Variants in CRIPT observed in about 807,000 individuals in gnomAD.
CRIPT encodes the protein CXXC repeat containing interactor of PDZ3 domain.
A neutral mutation model predicts 16.6 loss-of-function variants in CRIPT; 20 were observed. That is an observed-to-expected ratio of 1.20 (90% CI 0.85 to 1.75). The LOEUF (loss-of-function observed/expected upper bound fraction) is 1.75, where lower values mean the gene tolerates loss of function less well. CRIPT is among the 40% of genes most tolerant of loss of function. The pLI, the probability that CRIPT is intolerant of heterozygous loss-of-function variation, is 0.00. For synonymous variants in CRIPT, 42 were observed against 37.0 expected (o/e 1.14, Z -0.49); for missense variants, 133 against 115.3 (o/e 1.15, Z -0.70).
At chr2:46,623,952 C>A in intron 4 of CRIPT, 85 bp downstream of exon 4, 1 of 952,214 alleles carries the variant, frequency 1.1e-6, no homozygotes, top group Non-Finnish European at 1.6e-6. Flanking sequence ...TGTAGCCTGT[C>A]ATAAATTCTG....
At chr2:46,623,234 T>C (rs1246866776) in intron 3 of CRIPT, among the ~76,000 whole-genome samples, 1 of 152,298 alleles carries the variant, frequency 6.6e-6, no homozygotes, top group African/African-American at 2.4e-5. Flanking sequence ...GATAAGTGCT[T>C]TACATGATTG....
At chr2:46,619,211 A>G (rs1461762950) in intron 2 of CRIPT, among the ~76,000 whole-genome samples, 1 of 152,068 alleles carries the variant, frequency 6.6e-6, no homozygotes, top group Non-Finnish European at 1.5e-5. Context: ...GCTTTAACCC[A>G]TTTTACCTTC....
rs1670936128 is a variant in CRIPT at position 46,626,209 on chromosome 2, T to G, written c.*1982T>G. Among the ~76,000 whole-genome samples, 1 of 152,200 alleles carries G rather than the reference T, an allele frequency of 6.6e-6. No homozygotes were observed. Among genetic ancestry groups the G allele is most frequent in the Admixed American group, 6.5e-5 (1 of 15,280 alleles). Reference sequence around the variant, plus strand: ...TGCGGTCTTTGGTTTTCTGTTCCTGTGTATATTCACTATAATGACCTCCAG... The same window carrying G: ...TGCGGTCTTTGGTTTTCTGTTCCTGGGTATATTCACTATAATGACCTCCAG... On this transcript the variant is annotated 3_prime_UTR_variant, in exon 5 of 5. Transcript: ENST00000238892.
rs1018075808 is a variant in CRIPT at position 46,626,386 on chromosome 2, G to A, written c.*2159G>A. ...TGTCTTTGCTGTTGTGAATAGTGCT[G>A]TGATGAATATGTGAGTGTATGTGTC... is the stretch of plus-strand genomic sequence containing the variant. On this transcript the variant is annotated 3_prime_UTR_variant, in exon 5 of 5. Coordinates refer to ENST00000238892, the MANE Select transcript of CRIPT (RefSeq NM_014171.6). Among the ~76,000 whole-genome samples, 2 of 152,178 alleles carry A rather than the reference G, an allele frequency of 1.3e-5. No individual in the cohort carries two copies. Among genetic ancestry groups the A allele is most frequent in the African/African-American group, 4.8e-5 (2 of 41,430 alleles).
Position 46,624,218 on chromosome 2 carries a change from A to T in CRIPT, c.297A>T (p.Thr99=), listed in dbSNP as rs1282414361. 36 of 1,577,878 alleles carry T rather than the reference A, an allele frequency of 2.3e-5. No individual in the cohort carries two copies. The highest frequency in any genetic ancestry group is 1.7e-4 in the Middle Eastern group (1 of 5,914). ...KVLDTKNYKQ[T]SV is the part of the protein sequence containing the mutation. Reference sequence around the variant, plus strand: ...TGGATACCAAAAACTACAAGCAAACATCTGTCTAGATGTATTGATGGAATT... The same window carrying T: ...TGGATACCAAAAACTACAAGCAAACTTCTGTCTAGATGTATTGATGGAATT... Residue 99 remains threonine (T), a synonymous_variant, in exon 5 of 5, where the codon ACA becomes ACT. Coordinates refer to ENST00000238892, the MANE Select transcript of CRIPT (RefSeq NM_014171.6).
intron 3 of CRIPT, among the ~76,000 whole-genome samples, chr2:46,620,714 TTA>T (rs1260889094): frequency 6.8e-6 from 1 of 147,612 alleles, no homozygotes; most frequent in Non-Finnish European, 1.5e-5. Context: ...AATAATATTA[TTA>T]TATATATATT....
Position 46,624,222 on chromosome 2 carries a change from G to C in CRIPT, c.301G>C (p.Val101Leu). 6.4e-7 allele frequency: 1 copy of C among 1,560,802 alleles called. No individual in the cohort carries two copies. The highest frequency in any genetic ancestry group is 8.7e-7 in the Non-Finnish European group (1 of 1,147,480). ...LDTKNYKQTS[V>L] The stretch of plus-strand genomic sequence containing the variant: ...TACCAAAAACTACAAGCAAACATCT[G>C]TCTAGATGTATTGATGGAATTTCTG... The change falls in exon 5 of 5, where the codon GTC becomes CTC. Residue 101 changes from valine to leucine, a missense_variant. Physicochemically the swap from Val to Leu is conservative, Grantham distance 32. Coordinates refer to ENST00000238892, the MANE Select transcript of CRIPT (RefSeq NM_014171.6).
In CRIPT at chr2:46,624,927, T is replaced by C. The variant is rs188293300; in HGVS notation, c.*700T>C. ...CAGAACAGTGTTTGTCCATGTTGCA[T>C]GTAATGAAAATAAATCCCTGCTCTG... On this transcript the variant is annotated 3_prime_UTR_variant, in exon 5 of 5. Transcript: ENST00000238892. 1 of 151,724 alleles carries C rather than the reference T, an allele frequency of 6.6e-6. No individual in the cohort carries two copies. The highest frequency in any genetic ancestry group is 1.9e-4 in the East Asian group (1 of 5,182). 9.4% of individuals were successfully genotyped at this position (151,724 alleles called of 1,614,324 possible). A position where few individuals can be genotyped will look rare whatever the true frequency, so the allele number is the denominator to read the frequency against.
rs1671033748 is a variant in CRIPT at position 46,630,084 on chromosome 2, C to T, written c.*5857C>T. Reference sequence around the variant, plus strand: ...ATGTGGTGCCTCTTTACCCCAATTACTTAAGTTTGTATTTCCAAAGAACAA... The same window carrying T: ...ATGTGGTGCCTCTTTACCCCAATTATTTAAGTTTGTATTTCCAAAGAACAA... On this transcript the variant is annotated 3_prime_UTR_variant, in exon 5 of 5. Transcript: ENST00000238892. 6.6e-6 allele frequency among the ~76,000 whole-genome samples: 1 copy of T among 151,994 alleles called. No homozygotes were observed. The highest frequency in any genetic ancestry group is 1.5e-5 in the Non-Finnish European group (1 of 67,996).
rs1161493389 is a variant in CRIPT, at chr2:46,627,140, A to G, written c.*2913A>G. Among the ~76,000 whole-genome samples, 2 of 151,762 alleles carry G rather than the reference A, an allele frequency of 1.3e-5. No homozygotes were observed. Among genetic ancestry groups the G allele is most frequent in the Admixed American group, 6.6e-5 (1 of 15,236 alleles). On this transcript the variant is annotated 3_prime_UTR_variant, in exon 5 of 5. Coordinates refer to ENST00000238892, the MANE Select transcript of CRIPT (RefSeq NM_014171.6). ...GAGCCACCACACCTGGCCACGAGTT[A>G]CTTGGTTTTCGTTTTCTGAATTGTT...
chr2:46,619,683 T>C lies in CRIPT; in HGVS notation c.137+2T>C. Reference sequence around the variant, plus strand: ...AGCTTTGACTTCAAAAAAAGCAAGGTGGGTAAGAGGATCCATCGATGGGTC... The same window carrying C: ...AGCTTTGACTTCAAAAAAAGCAAGGCGGGTAAGAGGATCCATCGATGGGTC... On this transcript the variant is annotated splice_donor_variant, in intron 3 of 4. Transcript: ENST00000238892. LOFTEE classifies it high-confidence loss of function. The C allele has an allele frequency of 6.2e-7, 1 of 1,609,756 alleles. No homozygotes were observed. The highest frequency in any genetic ancestry group is 8.5e-7 in the Non-Finnish European group (1 of 1,177,584).
In CRIPT at chr2:46,626,435, C is replaced by A. The variant is rs1398341244; in HGVS notation, c.*2208C>A. 6.6e-6 allele frequency among the ~76,000 whole-genome samples: 1 copy of A among 152,158 alleles called. No individual in the cohort carries two copies. The highest frequency in any genetic ancestry group is 6.5e-5 in the Admixed American group (1 of 15,274). ...TCTTTTTGGTAGAACAATTTATTTTCATTTGGATTTATATCCAGTCATGGG... is the reference window on the plus strand; with the variant it reads ...TCTTTTTGGTAGAACAATTTATTTTAATTTGGATTTATATCCAGTCATGGG... On this transcript the variant is annotated 3_prime_UTR_variant, in exon 5 of 5. Transcript: ENST00000238892.
rs1671023797 is a variant in CRIPT, at chr2:46,629,634, T to C, written c.*5407T>C. ...ATGTTTCCTCATGGTTAGATTGGGG[T>C]AGTGCAGTGAGGGTTGAAATGCTGT... On this transcript the variant is annotated 3_prime_UTR_variant, in exon 5 of 5. Transcript: ENST00000238892. Among the ~76,000 whole-genome samples the C allele has an allele frequency of 6.6e-6, 1 of 152,122 alleles. No individual in the cohort carries two copies. Among genetic ancestry groups the C allele is most frequent in the South Asian group, 2.1e-4 (1 of 4,824 alleles).
rs1423536924 is a variant in CRIPT, at chr2:46,624,753, G to A, written c.*526G>A. On this transcript the variant is annotated 3_prime_UTR_variant, in exon 5 of 5. Coordinates refer to ENST00000238892, the MANE Select transcript of CRIPT (RefSeq NM_014171.6). ...CCTAGACCCAAATCAAAGACCAGTT[G>A]GATTTATGATATTTTTTATTTGTTC... The A allele has an allele frequency of 6.6e-6, 1 of 152,064 alleles. No individual in the cohort carries two copies. Among genetic ancestry groups the A allele is most frequent in the Non-Finnish European group, 1.5e-5 (1 of 68,008 alleles). 9.4% of individuals were successfully genotyped at this position (152,064 alleles called of 1,614,324 possible).
In CRIPT at chr2:46,627,483, G is replaced by A. The variant is rs903691188; in HGVS notation, c.*3256G>A. 2.1e-5 allele frequency among the ~76,000 whole-genome samples: 3 copies of A among 145,496 alleles called. No individual in the cohort carries two copies. The highest frequency in any genetic ancestry group is 4.5e-5 in the Non-Finnish European group (3 of 66,494). ...CCCAAAGACAGAGTCTCCTTCTGTTGCCCAGGCTGGAGTACAGTGGTACAA... is the reference window on the plus strand; with the variant it reads ...CCCAAAGACAGAGTCTCCTTCTGTTACCCAGGCTGGAGTACAGTGGTACAA... On this transcript the variant is annotated 3_prime_UTR_variant, in exon 5 of 5. Transcript: ENST00000238892.
intron 2 of CRIPT, 59 bp downstream of exon 2, chr2:46,618,897 A>G (rs571356589): frequency 2.0e-6 from 2 of 1,015,836 alleles, no homozygotes; most frequent in African/African-American, 3.3e-5. Context: ...ATAATACCTT[A>G]GTTTTTACAT....
rs535986710 is a variant in CRIPT at position 46,626,495 on chromosome 2, C to G, written c.*2268C>G. Among the ~76,000 whole-genome samples the G allele has an allele frequency of 6.6e-6, 1 of 152,310 alleles. No homozygotes were observed. The highest frequency in any genetic ancestry group is 1.9e-4 in the East Asian group (1 of 5,180). On this transcript the variant is annotated 3_prime_UTR_variant, in exon 5 of 5. Coordinates refer to ENST00000238892, the MANE Select transcript of CRIPT (RefSeq NM_014171.6). ...TCAAATGGTAGTTCTGTTTTAACTT[C>G]TTTGAGAAATCTCCAAACTGCTTTC...
intron 3 of CRIPT, 47 bp from the exon 4 acceptor site, chr2:46,623,717 G>C (rs187870794): frequency 9.5e-7 from 1 of 1,048,212 alleles, no homozygotes; most frequent in South Asian, 1.3e-5. Flanking sequence ...ATTTAAGAGT[G>C]TTTCTAGTGT....
rs1382842765 is a variant in CRIPT, at chr2:46,626,700, T to A, written c.*2473T>A. 2.0e-5 allele frequency among the ~76,000 whole-genome samples: 3 copies of A among 152,228 alleles called. No individual in the cohort carries two copies. Among genetic ancestry groups the A allele is most frequent in the African/African-American group, 7.2e-5 (3 of 41,460 alleles). ...ATTGTAACTCATTGTGGTTTTGATT[T>A]GCATTTATCTGATTAGTAATGTTGA... On this transcript the variant is annotated 3_prime_UTR_variant, in exon 5 of 5. Transcript: ENST00000238892.
Sources: allele counts gnomAD v4.1 joint callset (sites outside exome capture counted in the v4.1 genomes callset), GRCh38; gene constraint gnomAD v4.1.1; transcripts MANE v1.5; gene names NCBI Gene and HGNC (gene_info 2026-07-23, HGNC 2026-07-21).